Variants in KCNK2 observed in about 807,000 individuals in gnomAD.
The protein encoded by KCNK2 is potassium channel subfamily K member 2.
In KCNK2, 21 loss-of-function variants were observed where a neutral mutation model predicts 40.5. That is an observed-to-expected ratio of 0.52 (90% CI 0.37 to 0.75). The LOEUF is 0.75. Among genes scored for constraint, KCNK2 ranks in the 30% least tolerant of loss-of-function variants. The probability of loss-of-function intolerance (pLI) is 0.00; values close to 1 mark genes in which losing one functional copy is unlikely to be tolerated. For synonymous variants in KCNK2, 191 were observed against 202.2 expected, an observed-to-expected ratio of 0.94 and a Z score of 0.47; for missense variants, 399 against 531.6, an observed-to-expected ratio of 0.75 and a Z score of 2.45.
intron 3 of KCNK2, among the ~76,000 whole-genome samples, chr1:215,143,219 C>T (rs963630066): frequency 6.6e-6 from 1 of 151,986 alleles, no homozygotes; most frequent in African/African-American, 2.4e-5. Flanking sequence ...GTGTGTGTGT[C>T]TGTGTAAGTG....
chr1:215,234,935 G>A lies in KCNK2; in HGVS notation c.1071G>A (p.Arg357=), dbSNP rs1666816885. 2.3e-5 allele frequency: 37 copies of A among 1,613,980 alleles called. No homozygotes were observed. The highest frequency in any genetic ancestry group is 3.1e-5 in the Non-Finnish European group (36 of 1,180,004). ...LSVEIYDKFQ[R]ATSIKRKLSA... Reference sequence around the variant, plus strand: ...TGGAGATTTATGACAAGTTCCAGCGGGCCACCTCCATCAAGCGGAAGCTCT... The same window carrying A: ...TGGAGATTTATGACAAGTTCCAGCGAGCCACCTCCATCAAGCGGAAGCTCT... The change falls in exon 7 of 7, where the codon CGG becomes CGA. Residue 357 remains arginine (R), a synonymous_variant. Coordinates refer to ENST00000444842, the MANE Select transcript of KCNK2 (RefSeq NM_001017425.3).
At chr1:215,173,799 C>T (rs915040708) in intron 5 of KCNK2, among the ~76,000 whole-genome samples, 2 of 152,104 alleles carry the variant, frequency 1.3e-5, no homozygotes, top group Admixed American at 1.3e-4. Context: ...TATCCTTTGC[C>T]CACTTGTTGA....
chr1:215,034,570 C>T (rs773701577), intron 1 of KCNK2, among the ~76,000 whole-genome samples: 1 of 152,102 alleles, frequency 6.6e-6, no homozygotes, highest in Non-Finnish European at 1.5e-5. Flanking sequence ...GCTGCACATG[C>T]ATGCCAATAT....
At chr1:215,193,098 G>A (rs1664732754) in intron 5 of KCNK2, among the ~76,000 whole-genome samples, 1 of 151,310 alleles carries the variant, frequency 6.6e-6, no homozygotes, top group African/African-American at 2.4e-5. Flanking sequence ...CTACAATAAT[G>A]TTATACTCAG....
chr1:215,158,674 C>T (rs1663054133), intron 3 of KCNK2, among the ~76,000 whole-genome samples: 2 of 152,178 alleles, frequency 1.3e-5, no homozygotes, highest in South Asian at 2.1e-4. Context: ...AGGTAGGTTA[C>T]GTCTTATGAA....
Position 215,086,676 on chromosome 1 carries a change from C to T in KCNK2, c.355C>T (p.Gln119Ter). The T allele has an allele frequency of 6.2e-7, 1 of 1,611,360 alleles. No individual in the cohort carries two copies. Among genetic ancestry groups the T allele is most frequent in the Non-Finnish European group, 8.5e-7 (1 of 1,178,004 alleles). Residue 119 changes from glutamine to a stop codon, truncating the protein, a stop_gained and splice_region_variant, in exon 2 of 7, where the codon CAG (glutamine) becomes TAG (stop). Coordinates refer to ENST00000444842, the MANE Select transcript of KCNK2 (RefSeq NM_001017425.3). LOFTEE classifies it high-confidence loss of function. ...VNSTELDELI[Q>*]QIVAAINAGI... ...TTCGACGGAGCTGGATGAACTCATT[C>T]AGGTAATGGCATGGGAGGAGTTGTT...
Position 215,222,175 on chromosome 1 carries a change from C to G in KCNK2, c.964-12653C>G, listed in dbSNP as rs572130623. Among the ~76,000 whole-genome samples, 8 of 152,270 alleles carry G rather than the reference C, an allele frequency of 5.3e-5. No individual in the cohort carries two copies. The East Asian group carries it at 1.5e-3, about 29-fold the overall frequency. Reference sequence around the variant, plus strand: ...ATGACCCAAACATCTCCCCCCAGTCCCCACCTCCATCCAGCATTGGGGATT... The same window carrying G: ...ATGACCCAAACATCTCCCCCCAGTCGCCACCTCCATCCAGCATTGGGGATT... On this transcript the variant is annotated intron_variant, in intron 6 of 6. Coordinates refer to ENST00000444842, the MANE Select transcript of KCNK2 (RefSeq NM_001017425.3).
chr1:215,181,477 C>T (rs1413316691), intron 5 of KCNK2, among the ~76,000 whole-genome samples: 1 of 152,144 alleles, frequency 6.6e-6, no homozygotes, highest in Admixed American at 6.6e-5. Context: ...CATCTGGAGA[C>T]ACTGCCACTT....
chr1:215,181,800 T>A (rs186552417), intron 5 of KCNK2, among the ~76,000 whole-genome samples: 289 of 152,346 alleles, frequency 1.9e-3, no homozygotes, highest in Non-Finnish European at 3.7e-3. Context: ...TTCTGTTGCA[T>A]AAGGCAATGG....
At chr1:215,024,932 T>C (rs1043735956) in intron 1 of KCNK2, among the ~76,000 whole-genome samples, 128 of 144,586 alleles carry the variant, frequency 8.9e-4, no homozygotes, top group Non-Finnish European at 1.7e-3. Context: ...ATGTTCATTA[T>C]GTATCTACAG....
chr1:215,083,922 G>A (rs1189389636), intron 1 of KCNK2, among the ~76,000 whole-genome samples: 1 of 152,186 alleles, frequency 6.6e-6, no homozygotes, highest in Non-Finnish European at 1.5e-5. Flanking sequence ...AGGGGAGTGG[G>A]TAGTGACGGT....
At chr1:215,014,501 G>T (rs1174316385) in intron 1 of KCNK2, among the ~76,000 whole-genome samples, 1 of 151,830 alleles carries the variant, frequency 6.6e-6, no homozygotes, top group East Asian at 1.9e-4. Flanking sequence ...TTAACAGAGA[G>T]AAATTAGTGA....
chr1:215,179,009 T>TA (rs397786439), intron 5 of KCNK2, among the ~76,000 whole-genome samples: 2 of 151,840 alleles, frequency 1.3e-5, no homozygotes, highest in African/African-American at 4.8e-5. Context: ...TTTTTTTTTT[T>TA]AATTACTGAT....
chr1:215,024,899 A>G (rs1252844125), intron 1 of KCNK2, among the ~76,000 whole-genome samples: 1 of 151,986 alleles, frequency 6.6e-6, no homozygotes, highest in African/African-American at 2.4e-5. Flanking sequence ...TCTTGCTCAA[A>G]CAAATATATG....
chr1:215,008,524 A>T (rs974788070), intron 1 of KCNK2, among the ~76,000 whole-genome samples: 2 of 152,142 alleles, frequency 1.3e-5, no homozygotes, highest in Admixed American at 1.3e-4. Context: ...TTACCTAACT[A>T]CCAAGACTGT....
upstream of KCNK2, among the ~76,000 whole-genome samples, chr1:215,082,540 G>A (rs1356496947): frequency 6.6e-6 from 1 of 152,132 alleles, no homozygotes; most frequent in Non-Finnish European, 1.5e-5. Flanking sequence ...TTAGTGGAAG[G>A]GGCTGAGAGG....
chr1:215,059,680 TA>T (rs1188858058), intron 1 of KCNK2, among the ~76,000 whole-genome samples: 1 of 152,032 alleles, frequency 6.6e-6, no homozygotes, highest in African/African-American at 2.4e-5. Flanking sequence ...CTGGCCCAAC[TA>T]GATCACAGAA....
chr1:215,235,023 A>AGAGGGATGGTCAGG lies in KCNK2; in HGVS notation c.1159_1160insGAGGGATGGTCAGG (p.Asn387ArgfsTer8). ...TCCTTGTAGGAGGACCCTGTCAGTGAACCACCTGACCAGCGAGAGGGATGT... is the reference window on the plus strand; with the variant it reads ...TCCTTGTAGGAGGACCCTGTCAGTGAGAGGGATGGTCAGGACCACCTGACCAGCGAGAGGGATGT... On this transcript the variant is annotated frameshift_variant, in exon 7 of 7. Transcript: ENST00000444842. LOFTEE classifies it high-confidence loss of function. 1 of 1,614,030 alleles carries AGAGGGATGGTCAGG rather than the reference A, an allele frequency of 6.2e-7. No homozygotes were observed. Among genetic ancestry groups the AGAGGGATGGTCAGG allele is most frequent in the Non-Finnish European group, 8.5e-7 (1 of 1,179,958 alleles).
At chr1:215,221,513 G>A (rs1666175592) in intron 6 of KCNK2, among the ~76,000 whole-genome samples, 1 of 152,128 alleles carries the variant, frequency 6.6e-6, no homozygotes, top group Admixed American at 6.5e-5. Context: ...AGTAAAATAT[G>A]CTAGAGAAAA....
Sources: allele counts gnomAD v4.1 joint callset (sites outside exome capture counted in the v4.1 genomes callset), GRCh38; gene constraint gnomAD v4.1.1; transcripts MANE v1.5; gene names NCBI Gene and HGNC (gene_info 2026-07-23, HGNC 2026-07-21).